The following KIT variants were observed in gnomAD, a reference collection of about 807,000 sequenced individuals.
KIT encodes mast/stem cell growth factor receptor Kit.
KIT carries 16 observed loss-of-function variants against 105.7 expected under a neutral mutation model. The observed-to-expected ratio is 0.15, with a 90% CI of 0.10 to 0.23. The LOEUF (loss-of-function observed/expected upper bound fraction) is 0.23, where lower values mean the gene tolerates loss of function less well. Ranked by LOEUF, KIT falls within the 10% of genes least tolerant of loss-of-function variation. KIT has a pLI of 1.00. For missense variants in KIT, 858 were observed against 1,213.8 expected (o/e 0.71, Z 4.36); for synonymous variants, 438 against 441.1 (o/e 0.99, Z 0.09).
At chr4:54,674,275 A>G (rs1560378453) in intron 1 of KIT, among the ~76,000 whole-genome samples, 1 of 151,832 alleles carries the variant, frequency 6.6e-6, no homozygotes, top group African/African-American at 2.4e-5. Context: ...TAGGAGTCAG[A>G]CCCCTCCCAC....
At position 54,738,413 on chromosome 4, in the gene KIT, G is replaced by C. The variant is rs2109817921; in HGVS notation, c.2803-16G>C. Reference sequence around the variant, plus strand: ...TGTAGGGACTGCTGTATTGACTATGGGCTTGTTTTCTCCAGATTTACTCCA... The same window carrying C: ...TGTAGGGACTGCTGTATTGACTATGCGCTTGTTTTCTCCAGATTTACTCCA... On this transcript the variant is annotated splice_polypyrimidine_tract_variant and intron_variant, in intron 20 of 20. Transcript: ENST00000288135. 1 of 1,613,872 alleles carries C rather than the reference G, an allele frequency of 6.2e-7. No homozygotes were observed. Among genetic ancestry groups the C allele is most frequent in the South Asian group, 1.1e-5 (1 of 91,066 alleles).
intron 7 of KIT, among the ~76,000 whole-genome samples, chr4:54,721,339 C>T (rs1721857992): frequency 6.6e-6 from 1 of 152,202 alleles, no homozygotes; most frequent in Non-Finnish European, 1.5e-5. Flanking sequence ...GAGTCCCTAG[C>T]AAATAGCACT....
intron 6 of KIT, among the ~76,000 whole-genome samples, chr4:54,707,488 A>T (rs1480996810): frequency 6.6e-6 from 1 of 152,204 alleles, no homozygotes; most frequent in Non-Finnish European, 1.5e-5. Flanking sequence ...ACGCATGCAC[A>T]CACACACCTG....
chr4:54,689,467 G>C (rs557507937), intron 1 of KIT, among the ~76,000 whole-genome samples: 2 of 152,282 alleles, frequency 1.3e-5, no homozygotes, highest in South Asian at 4.1e-4. Flanking sequence ...TCCACTCAGA[G>C]AGTTAAAAGA....
chr4:54,670,433 G>A (rs1215090982), intron 1 of KIT, among the ~76,000 whole-genome samples: 2 of 152,142 alleles, frequency 1.3e-5, no homozygotes, highest in African/African-American at 4.8e-5. Context: ...TTTCAACCAG[G>A]CTTTGCTATA....
At chr4:54,694,177 A>G (rs1334458105) in intron 1 of KIT, among the ~76,000 whole-genome samples, 1 of 152,048 alleles carries the variant, frequency 6.6e-6, no homozygotes, top group African/African-American at 2.4e-5. Flanking sequence ...TTTTTTAGCC[A>G]GGCTGGTTTC....
chr4:54,704,491 G>A (rs566000008), intron 5 of KIT, among the ~76,000 whole-genome samples: 7 of 151,948 alleles, frequency 4.6e-5, no homozygotes, highest in Non-Finnish European at 1.0e-4. Flanking sequence ...ACTACAACAT[G>A]GTAATCTGTC....
Position 54,723,572 on chromosome 4 carries a change from G to GT in KIT, c.1232-8dup, listed in dbSNP as rs751212098. On this transcript the variant is annotated splice_polypyrimidine_tract_variant and intron_variant, in intron 7 of 20. Coordinates refer to ENST00000288135, the MANE Select transcript of KIT (RefSeq NM_000222.3). ...AGCACTCTGACATATGGCCATTTCT[G>GT]TTTTCCTGTAGCAAAACCAGAAATC... The GT allele has an allele frequency of 6.3e-7, 1 of 1,592,428 alleles. No individual in the cohort carries two copies. Among genetic ancestry groups the GT allele is most frequent in the Non-Finnish European group, 8.6e-7 (1 of 1,160,366 alleles).
chr4:54,726,578 T>C (rs1722226414), intron 9 of KIT, among the ~76,000 whole-genome samples: 1 of 152,222 alleles, frequency 6.6e-6, no homozygotes, highest in Admixed American at 6.5e-5. Context: ...AACTGATGAA[T>C]TGGTACAAAG....
intron 1 of KIT, among the ~76,000 whole-genome samples, chr4:54,692,501 A>G (rs1347169557): frequency 6.6e-6 from 1 of 152,192 alleles, no homozygotes; most frequent in Non-Finnish European, 1.5e-5. Context: ...GTAATTATCT[A>G]TATCCATCAG....
intron 1 of KIT, among the ~76,000 whole-genome samples, chr4:54,679,247 G>A (rs1247083107): frequency 6.6e-6 from 1 of 152,172 alleles, no homozygotes; most frequent in Non-Finnish European, 1.5e-5. Context: ...CAAGTGAAAA[G>A]GGGCTCCCTG....
intron 1 of KIT, among the ~76,000 whole-genome samples, chr4:54,676,512 G>C (rs747021211): frequency 6.6e-6 from 1 of 152,106 alleles, no homozygotes; most frequent in Non-Finnish European, 1.5e-5. Flanking sequence ...TATGAGTTTC[G>C]GTTAGTCCAG....
intron 1 of KIT, among the ~76,000 whole-genome samples, chr4:54,690,794 A>T (rs1474584673): frequency 6.6e-6 from 1 of 152,130 alleles, no homozygotes; most frequent in African/African-American, 2.4e-5. Flanking sequence ...CTTAATACGA[A>T]CCTCTACTCT....
At position 54,690,059 on chromosome 4, in the gene KIT, G is replaced by GT. The variant is rs200360593; in HGVS notation, c.68-5453_68-5452insT. ...GTATAGAATGTTACTTTTTTTTTGT[G>GT]GGGGGGGGGGGCTGTGTAATGTTCC... is the stretch of plus-strand genomic sequence containing the variant. On this transcript the variant is annotated intron_variant, in intron 1 of 20. Transcript: ENST00000288135. Among the ~76,000 whole-genome samples the GT allele has an allele frequency of 1.9e-3, 133 of 71,138 alleles. 2 individuals are homozygous for GT. Among genetic ancestry groups the GT allele is most frequent in the African/African-American group, 8.9e-3 (116 of 13,004 alleles). The allele number at this position is 71,138 out of a possible 152,430, so 46.7% of individuals were successfully genotyped here. A position where few individuals can be genotyped will look rare whatever the true frequency, so the allele number is the denominator to read the frequency against.
At chr4:54,673,551 G>A (rs1718262839) in intron 1 of KIT, among the ~76,000 whole-genome samples, 1 of 152,050 alleles carries the variant, frequency 6.6e-6, no homozygotes. Flanking sequence ...TCTGATTTAT[G>A]CTGTTCTTCA....
intron 5 of KIT, among the ~76,000 whole-genome samples, chr4:54,704,752 G>C (rs1720676839): frequency 6.6e-6 from 1 of 151,998 alleles, no homozygotes; most frequent in Non-Finnish European, 1.5e-5. Flanking sequence ...CATATTCCTA[G>C]TGTTAGACTT....
At chr4:54,658,177 C>T in intron 1 of KIT, 96 bp downstream of exon 1, 1 of 1,256,606 alleles carries the variant, frequency 8.0e-7, no homozygotes, top group Non-Finnish European at 1.2e-6. Context: ...GGAGAGAGGA[C>T]TGCGGGCCCT....
chr4:54,725,614 G>T (rs1047624330), intron 8 of KIT, among the ~76,000 whole-genome samples: 2 of 151,982 alleles, frequency 1.3e-5, no homozygotes, highest in East Asian at 1.9e-4. Context: ...TGTTGGTGGG[G>T]GTTAAAAACT....
At chr4:54,714,550 A>G (rs1721345979) in intron 7 of KIT, among the ~76,000 whole-genome samples, 1 of 152,186 alleles carries the variant, frequency 6.6e-6, no homozygotes, top group Admixed American at 6.5e-5. Context: ...TCAATTTTAA[A>G]TACCCATGTG....
Sources: gnomAD v4.1 joint callset for allele counts (sites outside exome capture counted in the v4.1 genomes callset) on GRCh38, gnomAD v4.1.1 for gene constraint, MANE v1.5 for transcripts, NCBI Gene and HGNC (gene_info 2026-07-23, HGNC 2026-07-21) for gene names.